Variants in UBR2 observed in about 807,000 individuals in gnomAD.
The protein encoded by UBR2 is E3 ubiquitin-protein ligase UBR2.
Under a neutral mutation model 247.9 loss-of-function variants are expected in UBR2, and 92 were observed. That is an observed-to-expected ratio of 0.37 (90% CI 0.31 to 0.44). The LOEUF (loss-of-function observed/expected upper bound fraction) is 0.44, where lower values mean the gene tolerates loss of function less well. UBR2 is among the 20% of genes least tolerant of loss of function. The pLI is 1.00. For missense variants in UBR2, 1,613 were observed against 2,112.6 expected (o/e 0.76, Z 4.64); for synonymous variants, 672 against 693.5 (o/e 0.97, Z 0.49).
chr6:42,691,072 A>C lies in UBR2; in HGVS notation c.5167A>C (p.Lys1723Gln), dbSNP rs1364843258. Residue 1723 changes from lysine (K) to glutamine (Q), a missense_variant, in exon 47 of 47, where the codon AAG (lysine) becomes CAG (glutamine). Around this residue, in one of 3 missense-constraint regions of UBR2, gnomAD observed 80 missense variants for 108.6 expected, o/e 0.74. Coordinates refer to ENST00000372901, the MANE Select transcript of UBR2 (RefSeq NM_001363705.2). ...ACATTTATGCAAAGAGCGATTCAAG[A>C]AGATTCAGAAGCTCTGGCACCAACA... Reference protein sequence around the residue: ...PLHLCKERFKKIQKLWHQHSV... With the variant: ...PLHLCKERFKQIQKLWHQHSV... 1 of 1,614,056 alleles carries C rather than the reference A, an allele frequency of 6.2e-7. No homozygotes were observed. The highest frequency in any genetic ancestry group is 8.5e-7 in the Non-Finnish European group (1 of 1,180,040).
chr6:42,639,351 G>T (rs1796286037), intron 15 of UBR2, among the ~76,000 whole-genome samples: 1 of 152,190 alleles, frequency 6.6e-6, no homozygotes, highest in Non-Finnish European at 1.5e-5. Flanking sequence ...CCAGCACTTT[G>T]GGAGGCCGAG....
In UBR2 at chr6:42,592,264, T is replaced by C. The variant is rs867477726; in HGVS notation, c.417+35T>C. 2.2e-5 allele frequency: 30 copies of C among 1,379,634 alleles called. 1 individual carries two copies. The Middle Eastern group carries it at 5.6e-3, about 256-fold the overall frequency. The allele number at this position is 1,379,634 out of a possible 1,614,324, so 85.5% of individuals were successfully genotyped here. A position where few individuals can be genotyped will look rare whatever the true frequency, so the allele number is the denominator to read the frequency against. ...GTCCAAATAATAACCATGCGCAGTA[T>C]TGCATTTTATAATAAATATCTTTTC... On this transcript the variant is annotated intron_variant, in intron 3 of 46. Coordinates refer to ENST00000372901, the MANE Select transcript of UBR2 (RefSeq NM_001363705.2).
At chr6:42,603,502 T>C (rs1793512996) in intron 4 of UBR2, 86 bp from the exon 5 acceptor site, 2 of 1,314,826 alleles carry the variant, frequency 1.5e-6, no homozygotes, top group South Asian at 3.5e-5. Flanking sequence ...TTTACTATAC[T>C]ATTTTGAGGG....
At chr6:42,609,560 CA>C (rs60736061) in intron 7 of UBR2, among the ~76,000 whole-genome samples, 1 of 147,424 alleles carries the variant, frequency 6.8e-6, no homozygotes, top group East Asian at 2.0e-4. Context: ...AAGGAGGATC[CA>C]AAAAAAAATA....
intron 13 of UBR2, 74 bp from the exon 14 acceptor site, chr6:42,635,344 A>G: frequency 6.9e-7 from 1 of 1,439,580 alleles, no homozygotes; most frequent in Non-Finnish European, 9.5e-7. Flanking sequence ...TTTCTCCTAC[A>G]TTACTTCTTA....
At chr6:42,663,679 G>A (rs999193910) in intron 32 of UBR2, among the ~76,000 whole-genome samples, 10 of 152,076 alleles carry the variant, frequency 6.6e-5, no homozygotes, top group African/African-American at 2.4e-4. Flanking sequence ...TATTTCTAGG[G>A]ACCCTACTTT....
At chr6:42,606,744 C>T (rs1329247624) in intron 7 of UBR2, 93 bp downstream of exon 7, 2 of 1,025,336 alleles carry the variant, frequency 2.0e-6, no homozygotes. Flanking sequence ...TCTGCTTTCT[C>T]AAATGAAAAC....
intron 2 of UBR2, among the ~76,000 whole-genome samples, chr6:42,590,615 G>A (rs981316148): frequency 6.6e-6 from 1 of 152,158 alleles, no homozygotes; most frequent in African/African-American, 2.4e-5. Context: ...GGTAAAGAGA[G>A]CAGTAGGTAA....
At chr6:42,650,436 T>A in intron 23 of UBR2, 50 bp downstream of exon 23, 2 of 1,496,370 alleles carry the variant, frequency 1.3e-6, no homozygotes, top group Non-Finnish European at 1.8e-6. Context: ...ATTGTTTTTC[T>A]TAAGAGATGA....
At chr6:42,628,509 G>T (rs1795492666) in intron 11 of UBR2, among the ~76,000 whole-genome samples, 1 of 152,038 alleles carries the variant, frequency 6.6e-6, no homozygotes, top group Non-Finnish European at 1.5e-5. Flanking sequence ...ATCACTTGAG[G>T]TCAGGAGTTC....
At chr6:42,576,226 T>C (rs1214565141) in intron 2 of UBR2, among the ~76,000 whole-genome samples, 2 of 152,244 alleles carry the variant, frequency 1.3e-5, no homozygotes, top group Admixed American at 6.5e-5. Flanking sequence ...AATGGAGCTT[T>C]ATTTTATACC....
chr6:42,574,163 T>C (rs1181878784), intron 2 of UBR2, among the ~76,000 whole-genome samples, 170 bp downstream of exon 2: 3 of 152,254 alleles, frequency 2.0e-5, no homozygotes, highest in African/African-American at 7.2e-5. Flanking sequence ...ATTTTTGTAA[T>C]TATTCTTGAT....
At chr6:42,627,896 G>A (rs1479666832) in intron 11 of UBR2, among the ~76,000 whole-genome samples, 2 of 152,120 alleles carry the variant, frequency 1.3e-5, no homozygotes, top group African/African-American at 4.8e-5. Flanking sequence ...CTGCACCCAG[G>A]AATGAATAAG....
At position 42,632,841 on chromosome 6, in the gene UBR2, T is replaced by G. The variant is rs575746343; in HGVS notation, c.1482T>G (p.Asp494Glu). 6.1e-5 allele frequency: 98 copies of G among 1,607,968 alleles called. 1 individual carries two copies. In the South Asian group the frequency reaches 1.1e-3, roughly 18 times the overall value. ...VLISKPTEWS[D>E]ELRQKFLEGF... ...TTAGCAAACCAACTGAATGGTCAGA[T>G]GAGCTGAGGCAGAAGTTCCTAGAAG... The change falls in exon 13 of 47, where the codon GAT becomes GAG. Residue 494 changes from aspartate (D) to glutamate (E), a missense_variant. By Grantham distance (45) the Asp-to-Glu change is conservative. Around this residue, in one of 3 missense-constraint regions of UBR2, gnomAD observed 1,524 missense variants for 1,967.3 expected, o/e 0.77. Coordinates refer to ENST00000372901, the MANE Select transcript of UBR2 (RefSeq NM_001363705.2).
At chr6:42,596,135 A>C (rs1024607851) in intron 4 of UBR2, among the ~76,000 whole-genome samples, 10 of 148,056 alleles carry the variant, frequency 6.8e-5, no homozygotes, top group African/African-American at 2.5e-4. Flanking sequence ...TCTAGTATGC[A>C]GAGTTTATAT....
intron 30 of UBR2, among the ~76,000 whole-genome samples, chr6:42,661,829 AAG>A (rs1562374519): frequency 1.3e-5 from 2 of 152,166 alleles, no homozygotes; most frequent in Admixed American, 6.5e-5. Flanking sequence ...CAGCCCCATG[AAG>A]AGAGTAGCTC....
intron 7 of UBR2, among the ~76,000 whole-genome samples, chr6:42,609,802 A>G (rs1793946362): frequency 6.6e-6 from 1 of 151,778 alleles, no homozygotes; most frequent in African/African-American, 2.4e-5. Context: ...AGCTAAGGTA[A>G]GAGGATTGCT....
At chr6:42,593,583 A>G (rs1427628171) in intron 3 of UBR2, among the ~76,000 whole-genome samples, 16 of 152,168 alleles carry the variant, frequency 1.1e-4, no homozygotes, top group Admixed American at 1.0e-3. Flanking sequence ...GATTTCTTAA[A>G]TCATTGCCCT....
At chr6:42,676,999 T>C (rs1798757024) in intron 40 of UBR2, 126 bp downstream of exon 40, 2 of 734,622 alleles carry the variant, frequency 2.7e-6, no homozygotes, top group Non-Finnish European at 4.6e-6. Context: ...AAATAAGACG[T>C]GGAGTGATCT....
Sources: gnomAD v4.1 joint callset for allele counts (sites outside exome capture counted in the v4.1 genomes callset) on GRCh38, gnomAD v4.1.1 for gene constraint, gnomAD v4.1.1 regional missense constraint, MANE v1.5 for transcripts, NCBI Gene and HGNC (gene_info 2026-07-23, HGNC 2026-07-21) for gene names.